The following SCRN3 variants were observed in gnomAD, a reference collection of about 807,000 sequenced individuals.
SCRN3 encodes secernin-3.
A neutral mutation model predicts 43.1 loss-of-function variants in SCRN3; 39 were observed. That is an observed-to-expected ratio of 0.91 (90% CI 0.70 to 1.18). SCRN3 has a LOEUF of 1.18. Ranked by LOEUF, SCRN3 falls within the 50% of genes most tolerant of loss-of-function variation. The probability of loss-of-function intolerance (pLI) is 0.00; values close to 1 mark genes in which losing one functional copy is unlikely to be tolerated. For missense variants in SCRN3, 484 were observed against 498.0 expected (o/e 0.97, Z 0.27); for synonymous variants, 147 against 163.1 (o/e 0.90, Z 0.75).
In SCRN3 at chr2:174,398,376, T is replaced by G; in HGVS notation, c.93T>G (p.Tyr31Ter). The change falls in exon 2 of 8, where the codon TAT becomes TAG. Residue 31 changes from tyrosine (Y) to a stop codon, truncating the protein, a stop_gained. Coordinates refer to ENST00000272732, the MANE Select transcript of SCRN3 (RefSeq NM_024583.5). LOFTEE classifies it high-confidence loss of function. ...IIFGKNSDRL[Y>*]DEVQEVVYFP... ...TTGGAAAAAATTCAGATAGACTCTATGATGAAGTACAAGAGGTGGTTTATT... is the reference window on the plus strand; with the variant it reads ...TTGGAAAAAATTCAGATAGACTCTAGGATGAAGTACAAGAGGTGGTTTATT... 6.2e-7 allele frequency: 1 copy of G among 1,609,386 alleles called. No individual in the cohort carries two copies. Among genetic ancestry groups the G allele is most frequent in the Non-Finnish European group, 8.5e-7 (1 of 1,178,392 alleles).
intron 5 of SCRN3, among the ~76,000 whole-genome samples, chr2:174,406,132 T>A (rs1331212246): frequency 2.2e-5 from 3 of 137,076 alleles, no homozygotes; most frequent in South Asian, 2.3e-4. Flanking sequence ...CTTTTATTTC[T>A]TTGAGCAGTG....
Position 174,408,457 on chromosome 2 carries a change from T to C in SCRN3, c.754+4142T>C, listed in dbSNP as rs534342756. ...TTAATTGGAGAATTTAGTCCATTTA[T>C]ATTTAAAGTTAATATTGTTATGTGT... is the stretch of plus-strand genomic sequence containing the variant. On this transcript the variant is annotated intron_variant, in intron 5 of 7. Transcript: ENST00000272732. 7.9e-3 allele frequency among the ~76,000 whole-genome samples: 1,157 copies of C among 147,176 alleles called. 21 individuals are homozygous for C. Among genetic ancestry groups the C allele is most frequent in the African/African-American group, 0.027 (1,103 of 40,994 alleles).
rs1024308932 is a variant in SCRN3, at chr2:174,417,085, T to C, written c.755-5800T>C. 2.0e-5 allele frequency among the ~76,000 whole-genome samples: 3 copies of C among 152,318 alleles called. No individual in the cohort carries two copies. The South Asian group carries it at 6.2e-4, about 32-fold the overall frequency. The stretch of plus-strand genomic sequence containing the variant: ...TCTTTTTCCCCCATGTAGATAGATA[T>C]GTAGAAAATGCTAAAGCATGTTATA... On this transcript the variant is annotated intron_variant, in intron 5 of 7. Coordinates refer to ENST00000272732, the MANE Select transcript of SCRN3 (RefSeq NM_024583.5).
intron 6 of SCRN3, 33 bp downstream of exon 6, chr2:174,423,080 G>T: frequency 6.3e-7 from 1 of 1,583,588 alleles, no homozygotes; most frequent in Non-Finnish European, 8.6e-7. Context: ...ACCAGCAAGG[G>T]GTCAGGGGAT....
chr2:174,404,424 T>C lies in SCRN3; in HGVS notation c.754+109T>C, dbSNP rs1279717918. On this transcript the variant is annotated intron_variant, in intron 5 of 7. Transcript: ENST00000272732. ...GGAATTATAATTAGTAAAAATATTG[T>C]TCTATTAAAATGAAAAATATTTATT... is the stretch of plus-strand genomic sequence containing the variant. 3 of 715,908 alleles carry C rather than the reference T, an allele frequency of 4.2e-6. No individual in the cohort carries two copies. The African/African-American group carries it at 5.5e-5, about 13-fold the overall frequency. The allele number at this position is 715,908 out of a possible 1,614,324, so 44.3% of individuals were successfully genotyped here. A position where few individuals can be genotyped will look rare whatever the true frequency, so the allele number is the denominator to read the frequency against.
intron 2 of SCRN3, among the ~76,000 whole-genome samples, chr2:174,399,332 A>C (rs1487144195): frequency 6.6e-6 from 1 of 152,144 alleles, no homozygotes; most frequent in Admixed American, 6.5e-5. Flanking sequence ...AGTGGTTCTC[A>C]TTCTTTTCAT....
intron 7 of SCRN3, among the ~76,000 whole-genome samples, chr2:174,425,874 A>G (rs1273441401): frequency 6.6e-6 from 1 of 152,032 alleles, no homozygotes; most frequent in Non-Finnish European, 1.5e-5. Context: ...GGTAGTTTTA[A>G]TTTACATTTC....
intron 1 of SCRN3, among the ~76,000 whole-genome samples, chr2:174,396,723 G>A (rs1685326612): frequency 6.6e-6 from 1 of 151,996 alleles, no homozygotes; most frequent in East Asian, 1.9e-4. Flanking sequence ...ACTTGAACGC[G>A]GGAGGCGGAG....
intron 1 of SCRN3, chr2:174,396,068 C>A: frequency 8.3e-7 from 1 of 1,208,704 alleles, no homozygotes; most frequent in Non-Finnish European, 1.1e-6. Flanking sequence ...TTTTTCTCAT[C>A]TATGTTATGA....
At chr2:174,398,057 G>A in intron 1 of SCRN3, 1 of 277,138 alleles carries the variant, frequency 3.6e-6, no homozygotes, top group Non-Finnish European at 6.7e-6. Flanking sequence ...GAGCCCAGGA[G>A]TTCCAGGCTG....
At chr2:174,418,827 G>A (rs1686200511) in intron 5 of SCRN3, among the ~76,000 whole-genome samples, 1 of 152,144 alleles carries the variant, frequency 6.6e-6, no homozygotes, top group African/African-American at 2.4e-5. Flanking sequence ...ATTAAGGGCT[G>A]CTTTTAGGCG....
rs540851290 is a variant in SCRN3, at chr2:174,422,560, ACT to A, written c.755-322_755-321del. Reference sequence around the variant, plus strand: ...CTGCACTCTAGCCTGACAGAACAAGACTCTGTCTCAAAAAAAAAAAAAAAAAA... The same window carrying A: ...CTGCACTCTAGCCTGACAGAACAAGACTGTCTCAAAAAAAAAAAAAAAAAA... On this transcript the variant is annotated intron_variant, in intron 5 of 7. Transcript: ENST00000272732. Among the ~76,000 whole-genome samples, 47 of 141,010 alleles carry A rather than the reference ACT, an allele frequency of 3.3e-4. No individual in the cohort carries two copies. The East Asian group carries it at 7.7e-3, about 23-fold the overall frequency. 92.5% of individuals were successfully genotyped at this position (141,010 alleles called of 152,430 possible).
intron 1 of SCRN3, chr2:174,397,346 A>G: frequency 1.0e-6 from 1 of 983,686 alleles, no homozygotes; most frequent in Non-Finnish European, 1.2e-6. Context: ...CAAAATAAGG[A>G]CCTTTAGGTG....
intron 5 of SCRN3, among the ~76,000 whole-genome samples, chr2:174,413,586 C>CTTTTTT (rs10524979): frequency 8.9e-5 from 8 of 90,226 alleles, no homozygotes; most frequent in African/African-American, 1.1e-4. Context: ...TTTGTCTTTC[C>CTTTTTT]TTTTTTTTTT....
At chr2:174,425,968 CT>C (rs1044664912) in intron 7 of SCRN3, among the ~76,000 whole-genome samples, 23 of 151,972 alleles carry the variant, frequency 1.5e-4, no homozygotes, top group Non-Finnish European at 2.8e-4. Context: ...TATTTTTTCC[CT>C]TAGGCTATTT....
intron 7 of SCRN3, among the ~76,000 whole-genome samples, chr2:174,427,199 T>A (rs1559086495): frequency 6.6e-6 from 1 of 152,234 alleles, no homozygotes; most frequent in Non-Finnish European, 1.5e-5. Context: ...CATCAACAAT[T>A]TAAAAATTAC....
chr2:174,414,963 G>T (rs56206677), intron 5 of SCRN3, among the ~76,000 whole-genome samples: 1 of 151,748 alleles, frequency 6.6e-6, no homozygotes, highest in Admixed American at 6.6e-5. Context: ...GGGTTTCACC[G>T]TGTTGGCCAG....
At chr2:174,401,750 A>G (rs1383311559) in intron 4 of SCRN3, among the ~76,000 whole-genome samples, 1 of 152,216 alleles carries the variant, frequency 6.6e-6, no homozygotes, top group African/African-American at 2.4e-5. Context: ...AAAGCCAGAG[A>G]TGTAAAGTGA....
chr2:174,422,999 C>G lies in SCRN3; in HGVS notation c.869C>G (p.Ser290Cys), dbSNP rs34170959. 1,354 of 1,613,668 alleles carry G rather than the reference C, an allele frequency of 8.4e-4. 13 individuals are homozygous for G. The Admixed American group carries it at 0.021, about 25-fold the overall frequency. ...ATGGTTTCTATTTTACCTCAAGACTCCAGCCTTCCTTGCATTCACTTCTTT... is the reference window on the plus strand; with the variant it reads ...ATGGTTTCTATTTTACCTCAAGACTGCAGCCTTCCTTGCATTCACTTCTTT... ...ASMVSILPQDSSLPCIHFFTG... is the reference protein window; with the variant it reads ...ASMVSILPQDCSLPCIHFFTG... Residue 290 changes from serine to cysteine, a missense_variant, in exon 6 of 8, where the codon TCC (serine) becomes TGC (cysteine). Physicochemically the swap from Ser to Cys is moderately radical, Grantham distance 112. Coordinates refer to ENST00000272732, the MANE Select transcript of SCRN3 (RefSeq NM_024583.5).
Sources: allele counts gnomAD v4.1 joint callset (sites outside exome capture counted in the v4.1 genomes callset), GRCh38; gene constraint gnomAD v4.1.1; transcripts MANE v1.5; gene names NCBI Gene and HGNC (gene_info 2026-07-23, HGNC 2026-07-21).